Variants in CDH18 observed in about 807,000 individuals in gnomAD.
CDH18 encodes the protein cadherin 18.
In CDH18, 31 loss-of-function variants were observed where a neutral mutation model predicts 67.9. That is an observed-to-expected ratio of 0.46 (90% CI 0.34 to 0.62). The LOEUF (loss-of-function observed/expected upper bound fraction) is 0.62. Ranked by LOEUF, CDH18 falls within the 20% of genes least tolerant of loss-of-function variation. The probability of loss-of-function intolerance (pLI) is 0.01; values close to 1 mark genes in which losing one functional copy is unlikely to be tolerated. For missense variants in CDH18, 890 were observed against 975.5 expected, an observed-to-expected ratio of 0.91 and a Z score of 1.17; for synonymous variants, 362 against 347.2, an observed-to-expected ratio of 1.04 and a Z score of -0.48.
At chr5:20,282,121 G>T (rs536806124) in intron 1 of CDH18, among the ~76,000 whole-genome samples, 1 of 152,106 alleles carries the variant, frequency 6.6e-6, no homozygotes, top group African/African-American at 2.4e-5. Context: ...GGGCTGAGAC[G>T]ATGGGGTTTT....
At chr5:20,337,839 C>T (rs957858267) in intron 1 of CDH18, among the ~76,000 whole-genome samples, 1 of 152,190 alleles carries the variant, frequency 6.6e-6, no homozygotes, top group African/African-American at 2.4e-5. Flanking sequence ...CTGATAAAGA[C>T]ATACCCTAAA....
intron 4 of CDH18, among the ~76,000 whole-genome samples, chr5:19,741,273 ATATACG>A (rs1769150609): frequency 7.2e-6 from 1 of 139,146 alleles, no homozygotes; most frequent in Non-Finnish European, 1.6e-5. Context: ...ATATATACAT[ATATACG>A]TGTATATATA....
intron 2 of CDH18, among the ~76,000 whole-genome samples, chr5:20,191,041 T>C (rs752597936): frequency 1.2e-4 from 19 of 152,142 alleles, no homozygotes; most frequent in Non-Finnish European, 2.6e-4. Context: ...GGCTCACATA[T>C]TGTTCCACCT....
chr5:19,562,712 G>A (rs556744065), intron 8 of CDH18, among the ~76,000 whole-genome samples: 55 of 152,176 alleles, frequency 3.6e-4, no homozygotes, highest in African/African-American at 8.7e-4. Context: ...ACAATTATGC[G>A]AAATATTTAA....
intron 9 of CDH18, among the ~76,000 whole-genome samples, chr5:19,533,501 A>G (rs891939509): frequency 2.6e-5 from 4 of 152,206 alleles, no homozygotes; most frequent in Admixed American, 2.0e-4. Context: ...GGAGGAGAAT[A>G]TTAGATCAAC....
intron 2 of CDH18, among the ~76,000 whole-genome samples, chr5:20,250,939 G>A (rs1743813097): frequency 6.6e-6 from 1 of 152,054 alleles, no homozygotes; most frequent in African/African-American, 2.4e-5. Flanking sequence ...TTCAGTAAGT[G>A]AACAGTGTCA....
chr5:19,672,420 G>C (rs781170692), intron 5 of CDH18, among the ~76,000 whole-genome samples: 1 of 152,066 alleles, frequency 6.6e-6, no homozygotes, highest in African/African-American at 2.4e-5. Flanking sequence ...TTTATGAGTG[G>C]AATTGGATTA....
At chr5:19,829,423 C>T (rs1253193801) in intron 3 of CDH18, among the ~76,000 whole-genome samples, 1 of 152,024 alleles carries the variant, frequency 6.6e-6, no homozygotes, top group Non-Finnish European at 1.5e-5. Context: ...GAACAACATC[C>T]AAGCTAAGAG....
chr5:20,089,899 C>T (rs561034606), intron 2 of CDH18, among the ~76,000 whole-genome samples: 1 of 152,186 alleles, frequency 6.6e-6, no homozygotes, highest in South Asian at 2.1e-4. Context: ...CAATCATTAA[C>T]AGGTATCATT....
intron 9 of CDH18, among the ~76,000 whole-genome samples, chr5:19,533,402 AT>A (rs1748954447): frequency 6.6e-6 from 1 of 152,182 alleles, no homozygotes; most frequent in Admixed American, 6.5e-5. Flanking sequence ...TTAAAACAGC[AT>A]GGAAGAAAAG....
intron 1 of CDH18, among the ~76,000 whole-genome samples, chr5:19,984,413 T>C (rs2150370140): frequency 6.6e-6 from 1 of 152,164 alleles, no homozygotes; most frequent in African/African-American, 2.4e-5. Flanking sequence ...AAGAAAAAAA[T>C]TGAGGTGTAT....
At chr5:19,985,719 GCCTAAAGTT>G (rs1049321264) in intron 1 of CDH18, among the ~76,000 whole-genome samples, 2 of 151,670 alleles carry the variant, frequency 1.3e-5, no homozygotes, top group African/African-American at 4.9e-5. Flanking sequence ...GCACATGAGG[GCCTAAAGTT>G]CTGTACTTAA....
chr5:20,418,130 C>T (rs1747486045), intron 1 of CDH18, among the ~76,000 whole-genome samples: 1 of 151,716 alleles, frequency 6.6e-6, no homozygotes. Flanking sequence ...GGCTGGAGTG[C>T]AGTGGCGCAA....
chr5:20,574,662 C>A (rs1241097938), intron 1 of CDH18, among the ~76,000 whole-genome samples: 5 of 151,974 alleles, frequency 3.3e-5, no homozygotes, highest in Non-Finnish European at 4.4e-5. Context: ...TAGTCCAACC[C>A]ATCAATTTCA....
chr5:20,562,835 G>A (rs992608443), intron 1 of CDH18, among the ~76,000 whole-genome samples: 2 of 151,862 alleles, frequency 1.3e-5, no homozygotes, highest in African/African-American at 4.8e-5. Flanking sequence ...AGTTTGTTTA[G>A]CACTTCTACA....
intron 1 of CDH18, among the ~76,000 whole-genome samples, chr5:20,473,899 T>C (rs1752259738): frequency 6.6e-6 from 1 of 152,162 alleles, no homozygotes; most frequent in Non-Finnish European, 1.5e-5. Flanking sequence ...TTTTTAAATA[T>C]GCTATCCCTT....
chr5:20,065,021 A>T (rs1479398290), intron 2 of CDH18, among the ~76,000 whole-genome samples: 1 of 152,046 alleles, frequency 6.6e-6, no homozygotes, highest in Admixed American at 6.6e-5. Flanking sequence ...AACTGTTAAA[A>T]TAACAGTTTA....
At chr5:20,121,691 A>C (rs1748365993) in intron 2 of CDH18, among the ~76,000 whole-genome samples, 1 of 152,196 alleles carries the variant, frequency 6.6e-6, no homozygotes. Flanking sequence ...TCACTCCTGC[A>C]CTTAAATACA....
At chr5:20,293,055 G>C (rs1285016245) in intron 1 of CDH18, among the ~76,000 whole-genome samples, 1 of 152,104 alleles carries the variant, frequency 6.6e-6, no homozygotes, top group African/African-American at 2.4e-5. Flanking sequence ...GGTGGCTCAC[G>C]CCTGTAATCC....
Sources: allele counts gnomAD v4.1 joint callset (sites outside exome capture counted in the v4.1 genomes callset), GRCh38; gene constraint gnomAD v4.1.1; transcripts MANE v1.5; gene names NCBI Gene and HGNC (gene_info 2026-07-23, HGNC 2026-07-21).